SEC63: variants seen among roughly 807,000 people sequenced by gnomAD.
The protein encoded by SEC63 is SEC63 protein translocation regulator, also known as translocation protein SEC63 homolog.
SEC63 carries 56 observed loss-of-function variants against 116.2 expected under a neutral mutation model. That is an observed-to-expected ratio of 0.48 (90% CI 0.39 to 0.60). The LOEUF is 0.60. Among genes scored for constraint, SEC63 ranks in the 20% least tolerant of loss-of-function variants. The pLI is 0.00. For synonymous variants in SEC63, 273 were observed against 294.6 expected (o/e 0.93, Z 0.75); for missense variants, 668 against 900.0 (o/e 0.74, Z 3.30).
At position 107,929,582 on chromosome 6, in the gene SEC63, T is replaced by C. The variant is rs1398205548; in HGVS notation, c.125-68A>G. 3 of 874,272 alleles carry C rather than the reference T, an allele frequency of 3.4e-6. 1 individual carries two copies. Among genetic ancestry groups the C allele is most frequent in the South Asian group, 2.7e-5 (2 of 74,774 alleles). 54.2% of individuals were successfully genotyped at this position (874,272 alleles called of 1,614,324 possible). A position where few individuals can be genotyped will look rare whatever the true frequency, so the allele number is the denominator to read the frequency against. Reference sequence around the variant, plus strand: ...ACAAGTGAAGGTAAAACCAGCTAACTGGTTAACTAACCTTCATTACCACGC... The same window carrying C: ...ACAAGTGAAGGTAAAACCAGCTAACCGGTTAACTAACCTTCATTACCACGC... On this transcript the variant is annotated intron_variant, in intron 1 of 20. Transcript: ENST00000369002.
At chr6:107,957,213 C>A (rs1319351171) in intron 1 of SEC63, 2 of 152,210 alleles carry the variant, frequency 1.3e-5, no homozygotes, top group African/African-American at 4.8e-5. Flanking sequence ...GAGACTTAAT[C>A]CTTCATACTT....
chr6:107,872,918 A>T lies in SEC63; in HGVS notation c.2035-6T>A. 1.3e-6 allele frequency: 2 copies of T among 1,513,726 alleles called. No homozygotes were observed. Among genetic ancestry groups the T allele is most frequent in the South Asian group, 2.4e-5 (2 of 83,404 alleles). 93.8% of individuals were successfully genotyped at this position (1,513,726 alleles called of 1,614,324 possible). On this transcript the variant is annotated splice_region_variant and splice_polypyrimidine_tract_variant and intron_variant, in intron 19 of 20. Transcript: ENST00000369002. The stretch of plus-strand genomic sequence containing the variant: ...GCAGGAAACTTCAGCTCTACCTAGA[A>T]GATAAAATCAGCACTTAAAAATCTG...
chr6:107,904,534 GA>G (rs1787097172), intron 11 of SEC63, 94 bp downstream of exon 11: 2 of 903,622 alleles, frequency 2.2e-6, no homozygotes, highest in Non-Finnish European at 3.7e-6. Context: ...CTGGCCGACA[GA>G]AGTCTGAGTA....
chr6:107,868,593 GAGAA>G lies in SEC63; in HGVS notation c.*3107_*3110del, dbSNP rs35633374. 3 of 148,266 alleles carry G rather than the reference GAGAA, an allele frequency of 2.0e-5. No homozygotes were observed. Among genetic ancestry groups the G allele is most frequent in the Non-Finnish European group, 4.5e-5 (3 of 66,922 alleles). 9.2% of individuals were successfully genotyped at this position (148,266 alleles called of 1,614,324 possible). A position where few individuals can be genotyped will look rare whatever the true frequency, so the allele number is the denominator to read the frequency against. ...CGAGACTCCGTCTTAAGAAGAAAAA[GAGAA>G]AGAGAGAAAAAAAGGCCAGCAAAAT... On this transcript the variant is annotated 3_prime_UTR_variant, in exon 21 of 21. Coordinates refer to ENST00000369002, the MANE Select transcript of SEC63 (RefSeq NM_007214.5).
In SEC63 at chr6:107,897,646, TA is replaced by T; in HGVS notation, c.1440+2del. The T allele has an allele frequency of 6.4e-7, 1 of 1,567,088 alleles. No homozygotes were observed. The highest frequency in any genetic ancestry group is 8.8e-7 in the Non-Finnish European group (1 of 1,137,340). ...AGCATAAAAATACAGATAGACTACT[TA>T]CAGCCATTGTTTGCCTTGTCAACTT... On this transcript the variant is annotated splice_donor_variant, in intron 14 of 20. Coordinates refer to ENST00000369002, the MANE Select transcript of SEC63 (RefSeq NM_007214.5). LOFTEE classifies it high-confidence loss of function.
chr6:107,903,737 A>G (rs796286483), intron 11 of SEC63, among the ~76,000 whole-genome samples: 1 of 152,212 alleles, frequency 6.6e-6, no homozygotes, highest in Non-Finnish European at 1.5e-5. Flanking sequence ...AATCACTTTT[A>G]TATCAGTTAA....
At chr6:107,913,267 A>G (rs920328867) in intron 5 of SEC63, 99 bp downstream of exon 5, 14 of 855,480 alleles carry the variant, frequency 1.6e-5, no homozygotes, top group East Asian at 7.6e-5. Flanking sequence ...CCATGTGAGT[A>G]TAAGTTTAGT....
At chr6:107,915,034 G>A (rs1017140752) in intron 4 of SEC63, among the ~76,000 whole-genome samples, 6 of 152,138 alleles carry the variant, frequency 3.9e-5, no homozygotes, top group Admixed American at 2.0e-4. Flanking sequence ...GCAACTTAAA[G>A]TCAGTTTAAG....
chr6:107,875,403 A>G (rs1051653884), intron 19 of SEC63, among the ~76,000 whole-genome samples: 4 of 152,192 alleles, frequency 2.6e-5, no homozygotes, highest in African/African-American at 9.7e-5. Flanking sequence ...TTAAAACTTA[A>G]AAGATCAGAG....
Position 107,939,806 on chromosome 6 carries a change from C to T in SEC63, c.125-10292G>A, listed in dbSNP as rs80090138. ...TTTTAAAAACAATCTTTCCTTTAAC[C>T]GTGGTTTGTTTGCCAGAATGTTTCA... is the stretch of plus-strand genomic sequence containing the variant. On this transcript the variant is annotated intron_variant, in intron 1 of 20. Transcript: ENST00000369002. Among the ~76,000 whole-genome samples, 324 of 151,914 alleles carry T rather than the reference C, an allele frequency of 2.1e-3. 1 individual carries two copies. The highest frequency in any genetic ancestry group is 7.5e-3 in the African/African-American group (310 of 41,458).
At chr6:107,949,311 T>C (rs953804890) in intron 1 of SEC63, among the ~76,000 whole-genome samples, 15 of 152,028 alleles carry the variant, frequency 9.9e-5, no homozygotes, top group African/African-American at 3.4e-4. Context: ...GTAATCCCCA[T>C]GGTAACCACA....
At chr6:107,922,423 T>G (rs933670828) in intron 3 of SEC63, among the ~76,000 whole-genome samples, 1 of 152,200 alleles carries the variant, frequency 6.6e-6, no homozygotes, top group Non-Finnish European at 1.5e-5. Context: ...GGAGAATCAC[T>G]TGAACTCAGG....
intron 7 of SEC63, among the ~76,000 whole-genome samples, chr6:107,909,320 G>A (rs1583748058): frequency 6.6e-6 from 1 of 151,128 alleles, no homozygotes; most frequent in South Asian, 2.1e-4. Context: ...CAGGGCTGCA[G>A]TAGCCATGAT....
intron 19 of SEC63, among the ~76,000 whole-genome samples, chr6:107,874,319 G>A (rs2114390315): frequency 6.6e-6 from 1 of 152,278 alleles, no homozygotes; most frequent in Middle Eastern, 3.4e-3. Flanking sequence ...AGGAAGCCGG[G>A]CACGGTGGCT....
intron 18 of SEC63, among the ~76,000 whole-genome samples, chr6:107,879,163 T>C (rs573460263): frequency 1.3e-5 from 2 of 152,248 alleles, no homozygotes; most frequent in African/African-American, 4.8e-5. Flanking sequence ...ATTTTGTTTG[T>C]TCATTTGTTT....
chr6:107,930,361 G>A (rs542885325), intron 1 of SEC63, among the ~76,000 whole-genome samples: 70 of 151,230 alleles, frequency 4.6e-4, no homozygotes, highest in Admixed American at 1.3e-3. Flanking sequence ...CTGTAATCCC[G>A]GCACTTTGGG....
chr6:107,879,066 A>G (rs545416486), intron 18 of SEC63, among the ~76,000 whole-genome samples: 1 of 152,240 alleles, frequency 6.6e-6, no homozygotes. Context: ...GTCAAATATT[A>G]CTAAGTGGGT....
intron 1 of SEC63, among the ~76,000 whole-genome samples, chr6:107,945,669 T>C (rs2114512586): frequency 6.6e-6 from 1 of 152,098 alleles, no homozygotes; most frequent in Admixed American, 6.5e-5. Flanking sequence ...GGTGAAATAG[T>C]GTAACAACAT....
At chr6:107,957,163 C>T (rs147627671) in intron 1 of SEC63, 2 of 152,286 alleles carry the variant, frequency 1.3e-5, no homozygotes, top group African/African-American at 4.8e-5. Context: ...AAAAGTAAAT[C>T]GACCCACTAC....
Sources: allele counts gnomAD v4.1 joint callset (sites outside exome capture counted in the v4.1 genomes callset), GRCh38; gene constraint gnomAD v4.1.1; transcripts MANE v1.5; gene names NCBI Gene and HGNC (gene_info 2026-07-23, HGNC 2026-07-21).